The following IFI44L variants were observed in gnomAD, a reference collection of about 807,000 sequenced individuals.
The protein encoded by IFI44L is interferon-induced protein 44-like.
In IFI44L, 40 loss-of-function variants were observed where a neutral mutation model predicts 39.3. The observed-to-expected ratio is 1.02, with a 90% confidence interval of 0.79 to 1.33. The LOEUF (loss-of-function observed/expected upper bound fraction) is 1.33, where lower values mean the gene tolerates loss of function less well. Ranked by LOEUF, IFI44L falls within the 40% of genes most tolerant of loss-of-function variation. IFI44L has a pLI of 0.00. For synonymous variants in IFI44L, 198 were observed against 182.3 expected (o/e 1.09, Z -0.69); for missense variants, 623 against 549.0 (o/e 1.13, Z -1.35).
Position 78,641,564 on chromosome 1 carries a change from C to T in IFI44L, c.1279C>T (p.Arg427Trp), listed in dbSNP as rs150590015. 49 of 1,613,608 alleles carry T rather than the reference C, an allele frequency of 3.0e-5. No homozygotes were observed. The East Asian group carries it at 3.3e-4, about 11-fold the overall frequency. Residue 427 changes from arginine (R) to tryptophan (W), a missense_variant, in exon 8 of 9, where the codon CGG (arginine) becomes TGG (tryptophan). By Grantham distance (101) the Arg-to-Trp change is moderately radical. Transcript: ENST00000370751. ...LILSALRQML[R>W]AADDFLEDLP... is the part of the protein sequence containing the mutation. ...CCTCTCTGCACTGAGGCAGATGCTG[C>T]GGGCTGCAGATGATTTTTTAGAAGA... is the stretch of plus-strand genomic sequence containing the variant.
At position 78,627,940 on chromosome 1, in the gene IFI44L, T is replaced by C. The variant is rs766603970; in HGVS notation, c.25T>C (p.Trp9Arg). Residue 9 changes from tryptophan to arginine, a missense_variant, in exon 2 of 9, where the codon TGG (tryptophan) becomes CGG (arginine). By Grantham distance (101) the Trp-to-Arg change is moderately radical (BLOSUM62 -3). Coordinates refer to ENST00000370751, the MANE Select transcript of IFI44L (RefSeq NM_006820.4). Reference sequence around the variant, plus strand: ...AATGGAAGTGACAACAAGATTGACATGGAATGATGAAAATCATCTGCGCAA... The same window carrying C: ...AATGGAAGTGACAACAAGATTGACACGGAATGATGAAAATCATCTGCGCAA... MEVTTRLT[W>R]NDENHLRKLL... The C allele has an allele frequency of 4.4e-6, 7 of 1,603,108 alleles. No homozygotes were observed. In the South Asian group the frequency reaches 4.5e-5, roughly 10 times the overall value.
chr1:78,632,080 G>C (rs990834602), intron 4 of IFI44L, among the ~76,000 whole-genome samples: 12 of 152,108 alleles, frequency 7.9e-5, no homozygotes, highest in African/African-American at 2.4e-4. Context: ...TTGAAAATTG[G>C]CAGTTGTCTT....
rs996893536 is a variant in IFI44L at position 78,643,598 on chromosome 1, C to T, written c.*1789C>T. ...GGTATAGGGAATGAAATGAAACATA[C>T]AGAGATGAAAACTGGAAGTTTTTTT... On this transcript the variant is annotated 3_prime_UTR_variant, in exon 9 of 9. Transcript: ENST00000370751. 2 of 149,412 alleles carry T rather than the reference C, an allele frequency of 1.3e-5. No homozygotes were observed. The highest frequency in any genetic ancestry group is 4.9e-5 in the African/African-American group (2 of 40,554). The allele number at this position is 149,412 out of a possible 1,614,324, so 9.3% of individuals were successfully genotyped here.
At position 78,645,466 on chromosome 1, in the gene IFI44L, C is replaced by T. The variant is rs1409583456; in HGVS notation, c.*3657C>T. On this transcript the variant is annotated 3_prime_UTR_variant, in exon 9 of 9. Coordinates refer to ENST00000370751, the MANE Select transcript of IFI44L (RefSeq NM_006820.4). The stretch of plus-strand genomic sequence containing the variant: ...GATAAATTTAAAGACTATCACATTG[C>T]TTTTTCATAAAACAAGACAGGTCTA... 6.6e-6 allele frequency: 1 copy of T among 152,138 alleles called. No homozygotes were observed. Among genetic ancestry groups the T allele is most frequent in the South Asian group, 2.1e-4 (1 of 4,828 alleles). The allele number at this position is 152,138 out of a possible 1,614,324, so 9.4% of individuals were successfully genotyped here.
At chr1:78,629,139 A>G in intron 3 of IFI44L, 140 bp downstream of exon 3, 1 of 654,378 alleles carries the variant, frequency 1.5e-6, no homozygotes, top group Non-Finnish European at 2.7e-6. Flanking sequence ...GACATAAAAT[A>G]ACAAAAGCAC....
At chr1:78,638,374 C>G (rs1416947765) in intron 6 of IFI44L, among the ~76,000 whole-genome samples, 2 of 152,034 alleles carry the variant, frequency 1.3e-5, no homozygotes, top group African/African-American at 4.8e-5. Flanking sequence ...GATAGTTTCT[C>G]CCAGTCTGTA....
At chr1:78,638,985 C>G (rs1318906478) in intron 6 of IFI44L, among the ~76,000 whole-genome samples, 2 of 152,072 alleles carry the variant, frequency 1.3e-5, no homozygotes, top group Non-Finnish European at 2.9e-5. Context: ...ATGGAAAGTA[C>G]AGGTTTCCCA....
rs1338751006 is a variant in IFI44L at position 78,644,875 on chromosome 1, G to A, written c.*3066G>A. 1 of 152,164 alleles carries A rather than the reference G, an allele frequency of 6.6e-6. No homozygotes were observed. The highest frequency in any genetic ancestry group is 6.5e-5 in the Admixed American group (1 of 15,276). The allele number at this position is 152,164 out of a possible 1,614,324, so 9.4% of individuals were successfully genotyped here. On this transcript the variant is annotated 3_prime_UTR_variant, in exon 9 of 9. Transcript: ENST00000370751. ...GTGTGAATGGGCACGTTAGGTTGTT[G>A]CATTAGAAAGTGACTGTTTCTGACA...
In IFI44L at chr1:78,644,651, A is replaced by T. The variant is rs767275539; in HGVS notation, c.*2842A>T. The T allele has an allele frequency of 6.6e-6, 1 of 152,162 alleles. No homozygotes were observed. The highest frequency in any genetic ancestry group is 1.5e-5 in the Non-Finnish European group (1 of 68,024). The allele number at this position is 152,162 out of a possible 1,614,324, so 9.4% of individuals were successfully genotyped here. A position where few individuals can be genotyped will look rare whatever the true frequency, so the allele number is the denominator to read the frequency against. On this transcript the variant is annotated 3_prime_UTR_variant, in exon 9 of 9. Coordinates refer to ENST00000370751, the MANE Select transcript of IFI44L (RefSeq NM_006820.4). ...ATCATTTTGCTACATTTTAGAGGTC[A>T]TCCAGGATTTTTGAAACTTTACATT...
chr1:78,639,683 A>G (rs1477170719), intron 6 of IFI44L, among the ~76,000 whole-genome samples: 1 of 152,060 alleles, frequency 6.6e-6, no homozygotes, highest in African/African-American at 2.4e-5. Flanking sequence ...AGCTACATTT[A>G]GTGTAAAGAA....
intron 1 of IFI44L, among the ~76,000 whole-genome samples, chr1:78,622,122 A>C (rs983218336): frequency 6.6e-6 from 1 of 152,066 alleles, no homozygotes; most frequent in African/African-American, 2.4e-5. Flanking sequence ...AGTATTTATC[A>C]TTATACTATC....
In IFI44L at chr1:78,628,098, T is replaced by A. The variant is rs747754114; in HGVS notation, c.183T>A (p.Ile61=). Residue 61 remains isoleucine, a synonymous_variant, in exon 2 of 9, where the codon ATT becomes ATA. Coordinates refer to ENST00000370751, the MANE Select transcript of IFI44L (RefSeq NM_006820.4). ...ITMAYIDYNM[I]VAFMLGNYIN... is the part of the protein sequence containing the mutation. ...TGGCTTACATTGATTACAATATGAT[T>A]GTAGCCTTTATGCTTGGAAATTATA... 41 of 1,612,906 alleles carry A rather than the reference T, an allele frequency of 2.5e-5. 1 individual carries two copies. The Admixed American group carries it at 6.7e-4, about 26-fold the overall frequency.
chr1:78,642,737 C>A lies in IFI44L; in HGVS notation c.*928C>A, dbSNP rs1557692706. On this transcript the variant is annotated 3_prime_UTR_variant, in exon 9 of 9. Coordinates refer to ENST00000370751, the MANE Select transcript of IFI44L (RefSeq NM_006820.4). ...AATTGAATTAATTAAAATGAGCCAA[C>A]TTTTTTTTAACAATTTACATTTTAT... The A allele has an allele frequency of 6.6e-6, 1 of 151,890 alleles. No individual in the cohort carries two copies. The highest frequency in any genetic ancestry group is 1.5e-5 in the Non-Finnish European group (1 of 67,930). The allele number at this position is 151,890 out of a possible 1,614,324, so 9.4% of individuals were successfully genotyped here. A position where few individuals can be genotyped will look rare whatever the true frequency, so the allele number is the denominator to read the frequency against.
rs1468892425 is a variant in IFI44L, at chr1:78,629,774, G to T, written c.582G>T (p.Leu194Phe). 3 of 1,613,594 alleles carry T rather than the reference G, an allele frequency of 1.9e-6. No individual in the cohort carries two copies. The highest frequency in any genetic ancestry group is 2.5e-6 in the Non-Finnish European group (3 of 1,179,788). Residue 194 changes from leucine (L) to phenylalanine (F), a missense_variant, in exon 4 of 9, where the codon TTG (leucine) becomes TTT (phenylalanine). Physicochemically the swap from Leu to Phe is conservative, Grantham distance 22 (BLOSUM62 0). Transcript: ENST00000370751. Reference protein sequence around the residue: ...DIRDYRPYADLVSEIRILLVG... With the variant: ...DIRDYRPYADFVSEIRILLVG... ...GAGACTATAGGCCCTATGCAGACTT[G>T]GTTTCAGAAATTCGTATTCTTTTGG...
intron 1 of IFI44L, chr1:78,626,820 T>C (rs2100479386): frequency 6.6e-6 from 1 of 152,160 alleles, no homozygotes; most frequent in East Asian, 1.9e-4. Flanking sequence ...TGTAGTTTTT[T>C]TTAATCCCTA....
In IFI44L at chr1:78,629,707, T is replaced by C; in HGVS notation, c.528-13T>C. 1.3e-6 allele frequency: 2 copies of C among 1,598,538 alleles called. No individual in the cohort carries two copies. The highest frequency in any genetic ancestry group is 1.7e-6 in the Non-Finnish European group (2 of 1,170,700). On this transcript the variant is annotated splice_polypyrimidine_tract_variant and intron_variant, in intron 3 of 8. Coordinates refer to ENST00000370751, the MANE Select transcript of IFI44L (RefSeq NM_006820.4). Reference sequence around the variant, plus strand: ...CTGTTCTGATGCTGTATTTAACCACTATATTTTAACAGGCACAGAAATAGG... The same window carrying C: ...CTGTTCTGATGCTGTATTTAACCACCATATTTTAACAGGCACAGAAATAGG...
chr1:78,629,809 T>A lies in IFI44L; in HGVS notation c.617T>A (p.Val206Asp), dbSNP rs139258784. The A allele has an allele frequency of 2.1e-5, 34 of 1,613,692 alleles. No individual in the cohort carries two copies. The highest frequency in any genetic ancestry group is 2.9e-5 in the Non-Finnish European group (34 of 1,179,810). The change falls in exon 4 of 9, where the codon GTT becomes GAT. Residue 206 changes from valine to aspartate, a missense_variant. Transcript: ENST00000370751. ...SEIRILLVGP[V>D]GSGKSSFFNS... The stretch of plus-strand genomic sequence containing the variant: ...ATTCGTATTCTTTTGGTGGGTCCAG[T>A]TGGGTCTGGAAAGTCCAGTTTTTTC...
chr1:78,641,571 C>T lies in IFI44L; in HGVS notation c.1286C>T (p.Ala429Val). ...LSALRQMLRA[A>V]DDFLEDLPLE... ...GCACTGAGGCAGATGCTGCGGGCTG[C>T]AGATGATTTTTTAGAAGATTTGCCT... is the stretch of plus-strand genomic sequence containing the variant. Residue 429 changes from alanine to valine, a missense_variant, in exon 8 of 9, where the codon GCA (alanine) becomes GTA (valine). By Grantham distance (64) the Ala-to-Val change is moderately conservative. Coordinates refer to ENST00000370751, the MANE Select transcript of IFI44L (RefSeq NM_006820.4). The T allele has an allele frequency of 9.3e-6, 15 of 1,613,658 alleles. No homozygotes were observed. The highest frequency in any genetic ancestry group is 1.3e-5 in the Non-Finnish European group (15 of 1,179,662).
chr1:78,637,681 T>C (rs975994300), intron 6 of IFI44L, among the ~76,000 whole-genome samples: 2 of 152,114 alleles, frequency 1.3e-5, no homozygotes, highest in African/African-American at 4.8e-5. Context: ...CATAATTTTG[T>C]CATTTCGTGA....
Sources: allele counts gnomAD v4.1 joint callset (sites outside exome capture counted in the v4.1 genomes callset), GRCh38; gene constraint gnomAD v4.1.1; transcripts MANE v1.5; gene names NCBI Gene and HGNC (gene_info 2026-07-23, HGNC 2026-07-21).